SLCO3A1: variants seen among roughly 807,000 people sequenced by gnomAD.
SLCO3A1 encodes the protein PGE1 transporter.
A neutral mutation model predicts 63.1 loss-of-function variants in SLCO3A1; 27 were observed. That is an observed-to-expected ratio of 0.43 (90% CI 0.32 to 0.59). The LOEUF (loss-of-function observed/expected upper bound fraction) is 0.59. Ranked by LOEUF, SLCO3A1 falls within the 20% of genes least tolerant of loss-of-function variation. The probability of loss-of-function intolerance (pLI) is 0.09; values close to 1 mark genes in which losing one functional copy is unlikely to be tolerated. For missense variants in SLCO3A1, 773 were observed against 945.8 expected, an observed-to-expected ratio of 0.82 and a Z score of 2.40; for synonymous variants, 473 against 409.9, an observed-to-expected ratio of 1.15 and a Z score of -1.86.
chr15:91,963,787 A>G (rs1172405591), intron 2 of SLCO3A1, among the ~76,000 whole-genome samples: 1 of 152,044 alleles, frequency 6.6e-6, no homozygotes, highest in Non-Finnish European at 1.5e-5. Context: ...TACAGATCAT[A>G]AAGGTAGTGC....
At chr15:91,987,020 G>T (rs2046061746) in intron 2 of SLCO3A1, among the ~76,000 whole-genome samples, 1 of 152,114 alleles carries the variant, frequency 6.6e-6, no homozygotes, top group African/African-American at 2.4e-5. Flanking sequence ...ACACAGGCAA[G>T]GACCATTTCT....
At chr15:92,064,844 G>A (rs1256084421) in intron 2 of SLCO3A1, among the ~76,000 whole-genome samples, 1 of 152,198 alleles carries the variant, frequency 6.6e-6, no homozygotes, top group African/African-American at 2.4e-5. Context: ...AGACTAGAAT[G>A]ATGGTTACCA....
At chr15:92,168,306 G>A (rs547610482), downstream of SLCO3A1, among the ~76,000 whole-genome samples, 2 of 152,320 alleles carry the variant, frequency 1.3e-5, no homozygotes, top group East Asian at 1.9e-4. Context: ...GTGAGAAGAT[G>A]AGGGCAGAAT....
chr15:91,857,025 G>A (rs1052459517), intron 1 of SLCO3A1, among the ~76,000 whole-genome samples: 2 of 142,674 alleles, frequency 1.4e-5, no homozygotes, highest in Non-Finnish European at 3.0e-5. Context: ...TGAGAAGGAG[G>A]ACTCGTGTGT....
At chr15:92,154,806 G>A (rs974406247) in intron 9 of SLCO3A1, among the ~76,000 whole-genome samples, 8 of 152,158 alleles carry the variant, frequency 5.3e-5, no homozygotes, top group Admixed American at 2.0e-4. Context: ...CAAAGAAGCT[G>A]AGGGTGATGA....
chr15:92,036,361 T>TTTC (rs1337243517), intron 2 of SLCO3A1, among the ~76,000 whole-genome samples: 107 of 53,842 alleles, frequency 2.0e-3, no homozygotes, highest in African/African-American at 2.8e-3. Flanking sequence ...GAGGTTTTCT[T>TTTC]TTTTTTTTTT....
intron 7 of SLCO3A1, among the ~76,000 whole-genome samples, chr15:92,131,344 C>T (rs2047993410): frequency 6.9e-6 from 1 of 144,584 alleles, no homozygotes; most frequent in South Asian, 2.2e-4. Context: ...CCAGCCTCAA[C>T]CTCCCTATTC....
chr15:91,920,027 A>G (rs1006929173), intron 2 of SLCO3A1, among the ~76,000 whole-genome samples: 9 of 152,192 alleles, frequency 5.9e-5, no homozygotes, highest in African/African-American at 1.9e-4. Flanking sequence ...GTTTGTTACT[A>G]TTCTATGACA....
intron 2 of SLCO3A1, among the ~76,000 whole-genome samples, chr15:92,019,921 G>A (rs2046486493): frequency 1.3e-5 from 2 of 152,108 alleles, no homozygotes; most frequent in Non-Finnish European, 2.9e-5. Context: ...GAGTCAGAGT[G>A]GCCTTCATGT....
At chr15:92,046,646 G>C (rs1379784485) in intron 2 of SLCO3A1, among the ~76,000 whole-genome samples, 1 of 152,010 alleles carries the variant, frequency 6.6e-6, no homozygotes, top group Non-Finnish European at 1.5e-5. Flanking sequence ...CTGCAGTTTT[G>C]GTAGCCCCTG....
chr15:92,018,448 G>A (rs182347757), intron 2 of SLCO3A1, among the ~76,000 whole-genome samples: 2 of 152,230 alleles, frequency 1.3e-5, no homozygotes, highest in African/African-American at 4.8e-5. Flanking sequence ...TTACATCCAC[G>A]ACCCCACCAG....
chr15:91,930,153 G>T (rs564784146), intron 2 of SLCO3A1, among the ~76,000 whole-genome samples: 1 of 152,164 alleles, frequency 6.6e-6, no homozygotes, highest in East Asian at 1.9e-4. Flanking sequence ...CTCTCTTCCT[G>T]CATTTAAAAG....
At chr15:92,044,016 C>T (rs980428591) in intron 2 of SLCO3A1, among the ~76,000 whole-genome samples, 3 of 152,126 alleles carry the variant, frequency 2.0e-5, no homozygotes, top group Non-Finnish European at 4.4e-5. Flanking sequence ...TTCTCTAGAC[C>T]CAGCTACTCC....
intron 1 of SLCO3A1, among the ~76,000 whole-genome samples, chr15:91,908,130 G>A (rs958477573): frequency 2.6e-5 from 4 of 151,952 alleles, no homozygotes; most frequent in African/African-American, 9.7e-5. Flanking sequence ...GAGTTGCAGG[G>A]GTGTTAAGTG....
chr15:91,955,622 G>T (rs893757322), intron 2 of SLCO3A1, among the ~76,000 whole-genome samples: 15 of 152,194 alleles, frequency 9.9e-5, no homozygotes, highest in Admixed American at 2.6e-4. Context: ...ACGAGCCACT[G>T]CACCCAGCCC....
intron 1 of SLCO3A1, among the ~76,000 whole-genome samples, chr15:91,888,476 T>G (rs1232311967): frequency 6.6e-6 from 1 of 152,200 alleles, no homozygotes; most frequent in Non-Finnish European, 1.5e-5. Context: ...GCTAAAGTGT[T>G]TAGTGTGACT....
chr15:91,899,295 C>T (rs1035419123), intron 1 of SLCO3A1, among the ~76,000 whole-genome samples: 1 of 152,130 alleles, frequency 6.6e-6, no homozygotes. Context: ...ATTTTGCAGG[C>T]GTTTCCCTAA....
Position 91,854,172 on chromosome 15 carries a change from C to G in SLCO3A1, c.180+84C>G. The G allele has an allele frequency of 8.1e-7, 1 of 1,232,146 alleles. No homozygotes were observed. The highest frequency in any genetic ancestry group is 1.0e-6 in the Non-Finnish European group (1 of 960,276). The allele number at this position is 1,232,146 out of a possible 1,614,324, so 76.3% of individuals were successfully genotyped here. On this transcript the variant is annotated intron_variant, in intron 1 of 9. Coordinates refer to ENST00000318445, the MANE Select transcript of SLCO3A1 (RefSeq NM_013272.4). This position sits in a 1 kb window ranked among gnomAD's most constrained non-coding sequence, Gnocchi z 6.4. ...CGCCTGGCCCGACGAGGGGGCCGCC[C>G]GGCGCTGGGGGCAGGCGGGCATGAC...
At chr15:91,925,483 T>C (rs144397134) in intron 2 of SLCO3A1, among the ~76,000 whole-genome samples, 3 of 151,926 alleles carry the variant, frequency 2.0e-5, no homozygotes, top group Admixed American at 2.0e-4. Context: ...TTGTTTTTTT[T>C]TTTTTTTTTT....
Sources: allele counts gnomAD v4.1 joint callset (sites outside exome capture counted in the v4.1 genomes callset), GRCh38; gene constraint gnomAD v4.1.1; non-coding constraint Gnocchi (gnomAD v3.1); transcripts MANE v1.5; gene names NCBI Gene and HGNC (gene_info 2026-07-23, HGNC 2026-07-21).